Variants in PDE10A observed in about 807,000 individuals in gnomAD.
PDE10A encodes cAMP and cAMP-inhibited cGMP 3',5'-cyclic phosphodiesterase 10A.
Under a neutral mutation model 97.7 loss-of-function variants are expected in PDE10A, and 39 were observed. That is an observed-to-expected ratio of 0.40 (90% CI 0.31 to 0.52). The LOEUF (loss-of-function observed/expected upper bound fraction) is 0.52, where lower values mean the gene tolerates loss of function less well. Among genes scored for constraint, PDE10A ranks in the 20% least tolerant of loss-of-function variants. PDE10A has a pLI of 0.56. For synonymous variants in PDE10A, 371 were observed against 376.8 expected (o/e 0.98, Z 0.18); for missense variants, 731 against 1,047.8 (o/e 0.70, Z 4.17).
At position 165,459,904 on chromosome 6, in the gene PDE10A, A is replaced by G. The variant is rs377118175; in HGVS notation, c.1024-9542T>C. Among the ~76,000 whole-genome samples, 43 of 152,372 alleles carry G rather than the reference A, an allele frequency of 2.8e-4. 1 individual carries two copies. In the East Asian group the frequency reaches 7.5e-3, roughly 27 times the overall value. ...AAAAATCAGCGAGTCAGGCCGCCAG[A>G]TAGGGGAAAAAAGAAAACTGCTGAG... On this transcript the variant is annotated intron_variant, in intron 3 of 21. Coordinates refer to ENST00000539869, the MANE Select transcript of PDE10A (RefSeq NM_001385079.1).
chr6:165,343,540 T>G, intron 18 of PDE10A, 38 bp from the exon 19 acceptor site: 1 of 1,410,168 alleles, frequency 7.1e-7, no homozygotes, highest in Non-Finnish European at 1.0e-6. Flanking sequence ...AGCATAGCAT[T>G]TGCACATTTA....
intron 1 of PDE10A, among the ~76,000 whole-genome samples, chr6:165,784,359 T>C (rs1028742027): frequency 1.3e-5 from 2 of 152,226 alleles, no homozygotes; most frequent in African/African-American, 2.4e-5. Context: ...ATTTACCTGG[T>C]CCTTTCCACG....
At chr6:165,838,144 G>A (rs112603597) in intron 1 of PDE10A, among the ~76,000 whole-genome samples, 4 of 152,222 alleles carry the variant, frequency 2.6e-5, no homozygotes, top group East Asian at 1.9e-4. Flanking sequence ...AAACAATTCC[G>A]TTCCCTTCCC....
chr6:165,652,197 C>T (rs947653018), intron 1 of PDE10A, among the ~76,000 whole-genome samples: 1 of 152,132 alleles, frequency 6.6e-6, no homozygotes, highest in Non-Finnish European at 1.5e-5. Context: ...CCCTGAGACA[C>T]CAATACAATA....
rs528422667 is a variant in PDE10A, at chr6:165,695,974, T to A, written c.-614-152406A>T. ...GCAAGGCAGTTAGTGGGGTTGAACC[T>A]CTGTGTGAAGTCAAGAAAAGAGAGG... On this transcript the variant is annotated intron_variant, in intron 1 of 19. Transcript: ENST00000366882. Among the ~76,000 whole-genome samples the A allele has an allele frequency of 3.9e-5, 6 of 152,282 alleles. No individual in the cohort carries two copies. The East Asian group carries it at 5.8e-4, about 15-fold the overall frequency.
chr6:165,622,855 G>A lies in PDE10A; in HGVS notation c.865+39092C>T, dbSNP rs566601396. ...TCCCCAATGCTGGAGGTGGGGCCCC[G>A]TGGGAGGTGTTTGGACCATGGGAGA... On this transcript the variant is annotated intron_variant, in intron 1 of 21. Transcript: ENST00000539869. Among the ~76,000 whole-genome samples the A allele has an allele frequency of 1.4e-4, 21 of 152,298 alleles. No individual in the cohort carries two copies. The East Asian group carries it at 2.9e-3, about 21-fold the overall frequency.
chr6:165,344,399 C>A (rs1782173474), intron 18 of PDE10A, among the ~76,000 whole-genome samples: 2 of 152,150 alleles, frequency 1.3e-5, no homozygotes, highest in Admixed American at 1.3e-4. Context: ...AAATTATCAA[C>A]AAGGATATAA....
At position 165,734,854 on chromosome 6, in the gene PDE10A, G is replaced by C. The variant is rs866125175; in HGVS notation, c.-614-191286C>G. On this transcript the variant is annotated intron_variant, in intron 1 of 19. Coordinates refer to the PDE10A transcript ENST00000366882. Reference sequence around the variant, plus strand: ...TTAAATATTGTTGAAAGATAAGAACGCTTAAATTGGTAAAACATAAAAGGT... The same window carrying C: ...TTAAATATTGTTGAAAGATAAGAACCCTTAAATTGGTAAAACATAAAAGGT... Among the ~76,000 whole-genome samples the C allele has an allele frequency of 4.5e-4, 68 of 152,228 alleles. 1 individual carries two copies. The highest frequency in any genetic ancestry group is 1.6e-3 in the African/African-American group (65 of 41,536).
chr6:165,751,558 A>C (rs1793001847), intron 1 of PDE10A, among the ~76,000 whole-genome samples: 1 of 152,104 alleles, frequency 6.6e-6, no homozygotes, highest in South Asian at 2.1e-4. Flanking sequence ...AACCAGGTGG[A>C]GGTAGGAGAC....
intron 13 of PDE10A, among the ~76,000 whole-genome samples, chr6:165,396,844 A>G (rs1247014673): frequency 6.6e-6 from 1 of 152,146 alleles, no homozygotes; most frequent in African/African-American, 2.4e-5. Flanking sequence ...GTATTTCTCA[A>G]TCTGTTACAA....
upstream of PDE10A, among the ~76,000 whole-genome samples, chr6:165,663,319 C>T (rs994094434): frequency 2.0e-5 from 3 of 152,030 alleles, no homozygotes; most frequent in African/African-American, 7.2e-5. Flanking sequence ...CGGGACTCGG[C>T]CCCTGCGCCA....
chr6:165,414,954 T>C (rs1312766878), intron 12 of PDE10A, among the ~76,000 whole-genome samples: 4 of 152,214 alleles, frequency 2.6e-5, no homozygotes, highest in African/African-American at 4.8e-5. Flanking sequence ...TGGTGATCAG[T>C]TGTATATCTC....
chr6:165,381,631 A>ATTTTTTTTTTTTTTTTTTTT (rs547827126), intron 17 of PDE10A, among the ~76,000 whole-genome samples: 3 of 118,686 alleles, frequency 2.5e-5, no homozygotes, highest in Non-Finnish European at 3.4e-5. Context: ...CACCTGGCTA[A>ATTTTTTTTTTTTTTTTTTTT]TTTTTTTTTT....
chr6:165,535,360 T>A lies in PDE10A; in HGVS notation c.994+8080A>T, dbSNP rs999787575. ...CTGTACCCATTAAGTAAATTCTAAT[T>A]CCTTACTCTCCTCCCAATCTTCCAC... is the stretch of plus-strand genomic sequence containing the variant. On this transcript the variant is annotated intron_variant, in intron 2 of 21. Transcript: ENST00000539869. 2.0e-5 allele frequency among the ~76,000 whole-genome samples: 3 copies of A among 151,818 alleles called. No homozygotes were observed. The South Asian group carries it at 6.2e-4, about 31-fold the overall frequency.
At chr6:165,888,498 A>C (rs1421001304) in intron 1 of PDE10A, among the ~76,000 whole-genome samples, 1 of 151,918 alleles carries the variant, frequency 6.6e-6, no homozygotes. Context: ...GTTGGCCAGG[A>C]TGGTGTCGAT....
chr6:165,707,421 C>T (rs1174017471), intron 1 of PDE10A, among the ~76,000 whole-genome samples: 1 of 152,232 alleles, frequency 6.6e-6, no homozygotes, highest in Non-Finnish European at 1.5e-5. Flanking sequence ...TCCAGCGTCT[C>T]TATCCCTCAG....
intron 18 of PDE10A, among the ~76,000 whole-genome samples, chr6:165,356,314 C>G (rs565982340): frequency 6.6e-6 from 1 of 152,016 alleles, no homozygotes; most frequent in Non-Finnish European, 1.5e-5. Context: ...CATACACCAC[C>G]CTGGTTTTAC....
chr6:165,522,162 C>A (rs2128308688), intron 2 of PDE10A, among the ~76,000 whole-genome samples: 1 of 152,200 alleles, frequency 6.6e-6, no homozygotes, highest in African/African-American at 2.4e-5. Context: ...AAAAAGCCTA[C>A]CAACCACAGA....
At chr6:165,832,835 C>T (rs1779961020) in intron 1 of PDE10A, among the ~76,000 whole-genome samples, 2 of 152,164 alleles carry the variant, frequency 1.3e-5, no homozygotes, top group African/African-American at 4.8e-5. Context: ...TGAGAAAACA[C>T]GGTCTTCACC....
Sources: gnomAD v4.1 joint callset for allele counts (sites outside exome capture counted in the v4.1 genomes callset) on GRCh38, gnomAD v4.1.1 for gene constraint, MANE v1.5 for transcripts, NCBI Gene and HGNC (gene_info 2026-07-23, HGNC 2026-07-21) for gene names.